The following CAMK2D variants were observed in gnomAD, a reference collection of about 807,000 sequenced individuals.
CAMK2D encodes calcium/calmodulin dependent protein kinase II delta.
A neutral mutation model predicts 84.0 loss-of-function variants in CAMK2D; 37 were observed. That is an observed-to-expected ratio of 0.44 (90% CI 0.34 to 0.58). CAMK2D has a LOEUF of 0.58. CAMK2D is among the 20% of genes least tolerant of loss of function. CAMK2D has a pLI of 0.02. For synonymous variants in CAMK2D, 202 were observed against 212.5 expected, an observed-to-expected ratio of 0.95 and a Z score of 0.43; for missense variants, 448 against 652.5, an observed-to-expected ratio of 0.69 and a Z score of 3.41.
At chr4:113,465,657 A>G in intron 16 of CAMK2D, 53 bp from the exon 17 acceptor site, 1 of 1,098,624 alleles carries the variant, frequency 9.1e-7, no homozygotes, top group Non-Finnish European at 1.4e-6. Context: ...AGTCATATTA[A>G]ATATTCTTTT....
intron 16 of CAMK2D, among the ~76,000 whole-genome samples, chr4:113,486,321 T>C (rs2097765564): frequency 6.6e-6 from 1 of 151,930 alleles, no homozygotes; most frequent in South Asian, 2.1e-4. Context: ...GATGGGGTCT[T>C]GTTATATTGC....
chr4:113,540,613 T>C (rs769190951), intron 6 of CAMK2D, among the ~76,000 whole-genome samples: 1 of 152,166 alleles, frequency 6.6e-6, no homozygotes, highest in African/African-American at 2.4e-5. Context: ...AAATGAACAT[T>C]ATAAGGGTAC....
At chr4:113,559,239 T>A (rs997567022) in intron 4 of CAMK2D, among the ~76,000 whole-genome samples, 1 of 152,336 alleles carries the variant, frequency 6.6e-6, no homozygotes, top group African/African-American at 2.4e-5. Context: ...AGAGGAATTA[T>A]GTATTAACTA....
At chr4:113,714,867 C>T (rs552329755) in intron 2 of CAMK2D, among the ~76,000 whole-genome samples, 6 of 152,146 alleles carry the variant, frequency 3.9e-5, no homozygotes, top group African/African-American at 1.4e-4. Context: ...CTGGAGACCA[C>T]AGGGGGTTAG....
At chr4:113,727,420 G>C (rs1372507338) in intron 2 of CAMK2D, among the ~76,000 whole-genome samples, 2 of 151,882 alleles carry the variant, frequency 1.3e-5, no homozygotes, top group African/African-American at 4.8e-5. Flanking sequence ...TTTGACAAAG[G>C]CACCAAAATA....
intron 4 of CAMK2D, among the ~76,000 whole-genome samples, chr4:113,570,309 T>C (rs2098746362): frequency 6.6e-6 from 1 of 152,100 alleles, no homozygotes; most frequent in Admixed American, 6.6e-5. Flanking sequence ...CATGAAATAC[T>C]AAAATGTGTA....
intron 4 of CAMK2D, among the ~76,000 whole-genome samples, chr4:113,589,595 C>A (rs1308228135): frequency 6.6e-6 from 1 of 152,054 alleles, no homozygotes; most frequent in Non-Finnish European, 1.5e-5. Flanking sequence ...GGACTGTGAG[C>A]CTGAAAAAGA....
Position 113,454,430 on chromosome 4 carries a change from C to A in CAMK2D, c.*115G>T. On this transcript the variant is annotated 3_prime_UTR_variant, in exon 21 of 21. Coordinates refer to ENST00000511664, the MANE Select transcript of CAMK2D (RefSeq NM_001321571.2). Reference sequence around the variant, plus strand: ...ACAACTTCATGCACTCAGAAACATGCATGAAGAGGAGGAGAGGACGGCCCA... The same window carrying A: ...ACAACTTCATGCACTCAGAAACATGAATGAAGAGGAGGAGAGGACGGCCCA... The A allele has an allele frequency of 1.3e-6, 1 of 764,052 alleles. No homozygotes were observed. The highest frequency in any genetic ancestry group is 2.4e-6 in the Non-Finnish European group (1 of 409,668). 47.3% of individuals were successfully genotyped at this position (764,052 alleles called of 1,614,324 possible).
Position 113,513,827 on chromosome 4 carries a change from T to C in CAMK2D, c.903+3A>G. The C allele has an allele frequency of 6.9e-7, 1 of 1,448,572 alleles. No homozygotes were observed. Among genetic ancestry groups the C allele is most frequent in the Non-Finnish European group, 9.7e-7 (1 of 1,034,368 alleles). The allele number at this position is 1,448,572 out of a possible 1,614,324, so 89.7% of individuals were successfully genotyped here. On this transcript the variant is annotated splice_donor_region_variant and intron_variant, in intron 11 of 20. Coordinates refer to ENST00000511664, the MANE Select transcript of CAMK2D (RefSeq NM_001321571.2). ...CTCCCCATAAAAATGTAAAATTTCTTACCTTTAGTTTTCTTCTAGCATTAA... is the reference window on the plus strand; with the variant it reads ...CTCCCCATAAAAATGTAAAATTTCTCACCTTTAGTTTTCTTCTAGCATTAA...
intron 2 of CAMK2D, among the ~76,000 whole-genome samples, chr4:113,715,520 T>G (rs2099510787): frequency 6.6e-6 from 1 of 152,140 alleles, no homozygotes; most frequent in African/African-American, 2.4e-5. Context: ...CAACAGTAAC[T>G]AGAAAGTATA....
intron 3 of CAMK2D, among the ~76,000 whole-genome samples, chr4:113,629,024 C>T (rs1215015198): frequency 6.6e-6 from 1 of 151,738 alleles, no homozygotes; most frequent in Non-Finnish European, 1.5e-5. Context: ...GAACAAAATA[C>T]CTAAGCAGTA....
intron 5 of CAMK2D, among the ~76,000 whole-genome samples, chr4:113,549,205 C>A (rs1249250379): frequency 1.3e-5 from 2 of 151,352 alleles, no homozygotes; most frequent in African/African-American, 2.4e-5. Context: ...AAACAAGGGT[C>A]AAAAAAAATG....
At chr4:113,553,533 C>T (rs2098644465) in intron 4 of CAMK2D, among the ~76,000 whole-genome samples, 1 of 152,190 alleles carries the variant, frequency 6.6e-6, no homozygotes, top group African/African-American at 2.4e-5. Flanking sequence ...TATTCTCTCC[C>T]TTATTCTCCT....
chr4:113,494,971 G>T (rs2097908521), intron 16 of CAMK2D, among the ~76,000 whole-genome samples: 1 of 152,214 alleles, frequency 6.6e-6, no homozygotes, highest in African/African-American at 2.4e-5. Context: ...CGCTTCCCAA[G>T]TGAGGCAATG....
intron 16 of CAMK2D, among the ~76,000 whole-genome samples, chr4:113,490,255 C>T (rs1472788322): frequency 6.7e-6 from 1 of 149,986 alleles, no homozygotes; most frequent in East Asian, 1.9e-4. Context: ...AGGTTTTCTT[C>T]TAGGGGTTTT....
At position 113,653,537 on chromosome 4, in the gene CAMK2D, C is replaced by T. The variant is rs116915473; in HGVS notation, c.220+8176G>A. Reference sequence around the variant, plus strand: ...AGAACCATCAATAAGGGAGAGGTCACAGAAAAAAACTGCGTCGCTTTCTTA... The same window carrying T: ...AGAACCATCAATAAGGGAGAGGTCATAGAAAAAAACTGCGTCGCTTTCTTA... On this transcript the variant is annotated intron_variant, in intron 3 of 20. Coordinates refer to ENST00000511664, the MANE Select transcript of CAMK2D (RefSeq NM_001321571.2). 5.9e-5 allele frequency among the ~76,000 whole-genome samples: 9 copies of T among 152,086 alleles called. No homozygotes were observed. In the East Asian group the frequency reaches 1.7e-3, roughly 29 times the overall value.
intron 16 of CAMK2D, among the ~76,000 whole-genome samples, chr4:113,497,771 G>A (rs113758864): frequency 0.023 from 3,554 of 152,298 alleles, 73 homozygotes; most frequent in Middle Eastern, 0.078. Flanking sequence ...GGTATTCAAG[G>A]AATCATATAC....
At chr4:113,531,084 AAAAT>A (rs1196164103) in intron 8 of CAMK2D, 128 bp downstream of exon 8, 358 of 591,244 alleles carry the variant, frequency 6.1e-4, no homozygotes, top group South Asian at 9.3e-4. Flanking sequence ...ACACTGTATC[AAAAT>A]AAATAAATAA....
chr4:113,708,738 G>GT (rs1253072641), intron 2 of CAMK2D, among the ~76,000 whole-genome samples: 1 of 152,016 alleles, frequency 6.6e-6, no homozygotes, highest in South Asian at 2.1e-4. Context: ...TCTTTTTGTT[G>GT]TTTTTTGAGA....
Sources: allele counts gnomAD v4.1 joint callset (sites outside exome capture counted in the v4.1 genomes callset), GRCh38; gene constraint gnomAD v4.1.1; transcripts MANE v1.5; gene names NCBI Gene and HGNC (gene_info 2026-07-23, HGNC 2026-07-21).